CHCHD3: variants seen among roughly 807,000 people sequenced by gnomAD.
CHCHD3 encodes the protein MICOS complex subunit MIC19.
A neutral mutation model predicts 38.2 loss-of-function variants in CHCHD3; 20 were observed. The observed-to-expected ratio is 0.52, with a 90% CI of 0.37 to 0.76. The LOEUF (loss-of-function observed/expected upper bound fraction) is 0.76. CHCHD3 is among the 30% of genes least tolerant of loss of function. The pLI is 0.00. For missense variants in CHCHD3, 245 were observed against 279.2 expected (o/e 0.88, Z 0.87); for synonymous variants, 82 against 100.0 (o/e 0.82, Z 1.07).
At chr7:133,065,700 T>C (rs969712437) in intron 2 of CHCHD3, among the ~76,000 whole-genome samples, 1 of 152,230 alleles carries the variant, frequency 6.6e-6, no homozygotes, top group Non-Finnish European at 1.5e-5. Context: ...AAATCTATTA[T>C]TGAGTACTAA....
At chr7:132,913,685 A>T (rs1810024175) in intron 4 of CHCHD3, among the ~76,000 whole-genome samples, 1 of 152,232 alleles carries the variant, frequency 6.6e-6, no homozygotes. Context: ...ACAAGTGTGG[A>T]GAATGAATGA....
At chr7:133,047,041 C>G (rs115438413) in intron 2 of CHCHD3, among the ~76,000 whole-genome samples, 13 of 152,298 alleles carry the variant, frequency 8.5e-5, no homozygotes, top group Middle Eastern at 6.8e-3. Flanking sequence ...CTTAATCTCT[C>G]ATAGCCTCGG....
chr7:132,799,455 C>A (rs1806725816), intron 6 of CHCHD3, among the ~76,000 whole-genome samples: 1 of 151,992 alleles, frequency 6.6e-6, no homozygotes, highest in African/African-American at 2.4e-5. Context: ...GGAAAAAGCC[C>A]CTATTAGGCA....
chr7:133,048,456 G>A (rs1223963423), intron 2 of CHCHD3, among the ~76,000 whole-genome samples: 1 of 152,188 alleles, frequency 6.6e-6, no homozygotes, highest in East Asian at 1.9e-4. Flanking sequence ...TCCTGGAAGA[G>A]GCAGGATTTT....
intron 4 of CHCHD3, among the ~76,000 whole-genome samples, chr7:132,918,930 C>T (rs188532477): frequency 2.7e-3 from 416 of 152,072 alleles, no homozygotes; most frequent in African/African-American, 9.1e-3. Flanking sequence ...AGAAAGTCTA[C>T]CAGTGATGAG....
intron 5 of CHCHD3, among the ~76,000 whole-genome samples, chr7:132,883,951 G>A (rs118066559): frequency 0.011 from 1,685 of 152,228 alleles, 5 homozygotes; most frequent in Non-Finnish European, 0.016. Flanking sequence ...TAAACCTAGA[G>A]TTTATTCTTT....
At chr7:132,885,559 C>G in intron 5 of CHCHD3, 103 bp downstream of exon 5, 3 of 910,256 alleles carry the variant, frequency 3.3e-6, no homozygotes, top group Non-Finnish European at 4.8e-6. Context: ...GGCCACTTTA[C>G]AACCAGGAAA....
At chr7:132,860,533 T>A (rs1808463603) in intron 5 of CHCHD3, among the ~76,000 whole-genome samples, 1 of 152,176 alleles carries the variant, frequency 6.6e-6, no homozygotes. Flanking sequence ...TTGGCTTCCT[T>A]TCTTCTTTAA....
At chr7:132,930,666 C>CT (rs1386437223) in intron 4 of CHCHD3, among the ~76,000 whole-genome samples, 1 of 152,168 alleles carries the variant, frequency 6.6e-6, no homozygotes, top group African/African-American at 2.4e-5. Flanking sequence ...TTTGGCTGTT[C>CT]TCTACCCTCC....
chr7:133,040,852 A>G (rs1813814416), intron 2 of CHCHD3, among the ~76,000 whole-genome samples: 1 of 152,208 alleles, frequency 6.6e-6, no homozygotes, highest in Admixed American at 6.5e-5. Flanking sequence ...CCAGCTATCC[A>G]TAATAAGAGG....
chr7:132,964,211 C>T (rs1043271125), intron 4 of CHCHD3, among the ~76,000 whole-genome samples: 8 of 152,214 alleles, frequency 5.3e-5, no homozygotes, highest in Non-Finnish European at 1.0e-4. Context: ...CAGATTAATG[C>T]TTCTTTATTA....
rs139340732 is a variant in CHCHD3, at chr7:132,830,500, C to T, written c.524+7899G>A. On this transcript the variant is annotated intron_variant, in intron 6 of 7. Transcript: ENST00000262570. ...CTTTTAAACTTTCTCAGCTTATATG[C>T]CCTACAGAAGGTGACAGTTATAATT... Among the ~76,000 whole-genome samples, 174 of 152,250 alleles carry T rather than the reference C, an allele frequency of 1.1e-3. 1 individual carries two copies. The highest frequency in any genetic ancestry group is 3.9e-3 in the African/African-American group (164 of 41,548).
intron 4 of CHCHD3, among the ~76,000 whole-genome samples, chr7:132,890,135 C>A (rs1809324742): frequency 1.3e-5 from 2 of 152,028 alleles, no homozygotes; most frequent in African/African-American, 4.8e-5. Context: ...ACTAGAATAT[C>A]CTATAATTCA....
At chr7:132,882,099 C>T (rs897996830) in intron 5 of CHCHD3, among the ~76,000 whole-genome samples, 1 of 152,078 alleles carries the variant, frequency 6.6e-6, no homozygotes, top group African/African-American at 2.4e-5. Flanking sequence ...TCTTTCATGG[C>T]AACAGCTGAT....
chr7:132,989,490 C>T (rs1479739731), intron 3 of CHCHD3, among the ~76,000 whole-genome samples: 4 of 152,014 alleles, frequency 2.6e-5, no homozygotes, highest in Admixed American at 1.3e-4. Flanking sequence ...TTCATCTCCC[C>T]CTTCCAGATG....
chr7:132,955,057 C>T (rs1183929664), intron 4 of CHCHD3, among the ~76,000 whole-genome samples: 1 of 152,158 alleles, frequency 6.6e-6, no homozygotes, highest in African/African-American at 2.4e-5. Flanking sequence ...TCAGCGTAGG[C>T]CCTTCTCTAA....
chr7:132,953,028 T>C (rs747894226), intron 4 of CHCHD3, among the ~76,000 whole-genome samples: 1 of 152,220 alleles, frequency 6.6e-6, no homozygotes, highest in African/African-American at 2.4e-5. Context: ...AGCTGCCTAC[T>C]CTGGCCAGTG....
At chr7:132,801,106 G>A (rs1030076956) in intron 6 of CHCHD3, among the ~76,000 whole-genome samples, 1 of 152,200 alleles carries the variant, frequency 6.6e-6, no homozygotes, top group Middle Eastern at 3.4e-3. Context: ...TAGGCACATT[G>A]CCAATATTTA....
chr7:133,000,381 T>G (rs1335548016), intron 3 of CHCHD3, among the ~76,000 whole-genome samples: 3 of 152,222 alleles, frequency 2.0e-5, no homozygotes, highest in African/African-American at 7.2e-5. Context: ...GATGTTCATT[T>G]AGAACATTTT....
Sources: allele counts gnomAD v4.1 joint callset (sites outside exome capture counted in the v4.1 genomes callset), GRCh38; gene constraint gnomAD v4.1.1; transcripts MANE v1.5; gene names NCBI Gene and HGNC (gene_info 2026-07-23, HGNC 2026-07-21).